CAMK1D: variants seen among roughly 807,000 people sequenced by gnomAD.
The protein encoded by CAMK1D is calcium/calmodulin dependent protein kinase ID.
A neutral mutation model predicts 47.7 loss-of-function variants in CAMK1D; 9 were observed. The ratio of observed to expected loss-of-function variants is 0.19; its 90% CI spans 0.11 to 0.33. The LOEUF (loss-of-function observed/expected upper bound fraction) is 0.33, where lower values mean the gene tolerates loss of function less well. CAMK1D is among the 10% of genes least tolerant of loss of function. CAMK1D has a pLI of 1.00. For missense variants in CAMK1D, 291 were observed against 488.7 expected (o/e 0.60, Z 3.81); for synonymous variants, 184 against 184.9 (o/e 0.99, Z 0.04).
intron 2 of CAMK1D, among the ~76,000 whole-genome samples, chr10:12,581,480 G>A (rs189064376): frequency 4.1e-4 from 62 of 152,204 alleles, no homozygotes; most frequent in Middle Eastern, 3.4e-3. Context: ...TTCCATAGCG[G>A]TTTTACTTGT....
At chr10:12,673,048 G>T (rs1461029219) in intron 3 of CAMK1D, among the ~76,000 whole-genome samples, 1 of 151,468 alleles carries the variant, frequency 6.6e-6, no homozygotes, top group African/African-American at 2.4e-5. Flanking sequence ...AGGTGCCCAG[G>T]TCATTTTCTA....
rs181501211 is a variant in CAMK1D at position 12,733,314 on chromosome 10, A to T, written c.300-27634A>T. ...TCTTCCTTAGTAGCAGTGAAGATGG[A>T]GTTAGAAGGAGAGAATAGTAATATT... On this transcript the variant is annotated intron_variant, in intron 3 of 10. Transcript: ENST00000619168. 6.2e-4 allele frequency among the ~76,000 whole-genome samples: 95 copies of T among 152,336 alleles called. 1 individual carries two copies. The highest frequency in any genetic ancestry group is 3.2e-4 in the Non-Finnish European group (22 of 68,040).
intron 3 of CAMK1D, among the ~76,000 whole-genome samples, chr10:12,722,598 T>C (rs1834443895): frequency 6.6e-6 from 1 of 152,086 alleles, no homozygotes; most frequent in African/African-American, 2.4e-5. Context: ...AGAGAAGTTA[T>C]GAGGAATTCT....
At chr10:12,649,681 A>C (rs977705368) in intron 2 of CAMK1D, among the ~76,000 whole-genome samples, 11 of 152,128 alleles carry the variant, frequency 7.2e-5, no homozygotes, top group Non-Finnish European at 1.2e-4. Context: ...AACAAAAAAA[A>C]ATGTTGGTGA....
chr10:12,660,263 T>C (rs955351777), intron 2 of CAMK1D, among the ~76,000 whole-genome samples: 9 of 152,228 alleles, frequency 5.9e-5, no homozygotes, highest in Non-Finnish European at 1.3e-4. Flanking sequence ...TTGCTTTTTC[T>C]TTCTTTTTCT....
At position 12,735,592 on chromosome 10, in the gene CAMK1D, G is replaced by C. The variant is rs1021297685; in HGVS notation, c.300-25356G>C. On this transcript the variant is annotated intron_variant, in intron 3 of 10. Coordinates refer to ENST00000619168, the MANE Select transcript of CAMK1D (RefSeq NM_153498.4). The stretch of plus-strand genomic sequence containing the variant: ...GATGCCGTGTCCAAGGGACAGTGAT[G>C]GCAGAAACCTGGCTCTCCAAAAGGA... 2.6e-5 allele frequency among the ~76,000 whole-genome samples: 4 copies of C among 152,302 alleles called. No homozygotes were observed. The East Asian group carries it at 5.8e-4, about 22-fold the overall frequency.
intron 3 of CAMK1D, among the ~76,000 whole-genome samples, chr10:12,747,278 C>T (rs772087422): frequency 6.6e-6 from 1 of 152,098 alleles, no homozygotes; most frequent in Non-Finnish European, 1.5e-5. Flanking sequence ...GTTCCACCCG[C>T]CTCAGCCTCC....
chr10:12,523,088 G>A (rs1835488531), intron 1 of CAMK1D, among the ~76,000 whole-genome samples: 1 of 151,376 alleles, frequency 6.6e-6, no homozygotes, highest in African/African-American at 2.4e-5. Context: ...GCCGGGTGGA[G>A]GGGCTCCTCA....
At chr10:12,440,741 A>G (rs1435373120) in intron 1 of CAMK1D, among the ~76,000 whole-genome samples, 1 of 152,252 alleles carries the variant, frequency 6.6e-6, no homozygotes, top group Non-Finnish European at 1.5e-5. Context: ...TGGGCAACAC[A>G]CAGGTGATAA....
chr10:12,422,283 G>A (rs937475635), intron 1 of CAMK1D, among the ~76,000 whole-genome samples: 2 of 152,204 alleles, frequency 1.3e-5, no homozygotes, highest in African/African-American at 2.4e-5. Flanking sequence ...TGGTGGTGAC[G>A]ACTATAGTCC....
intron 3 of CAMK1D, among the ~76,000 whole-genome samples, chr10:12,686,840 G>T (rs958610780): frequency 6.6e-6 from 1 of 152,042 alleles, no homozygotes; most frequent in Admixed American, 6.6e-5. Context: ...GGCTCTATTT[G>T]TACTTCTTCC....
chr10:12,799,160 C>T (rs1425352210), intron 6 of CAMK1D, among the ~76,000 whole-genome samples: 4 of 152,150 alleles, frequency 2.6e-5, no homozygotes, highest in Non-Finnish European at 5.9e-5. Flanking sequence ...GCCCACGACT[C>T]GACGCAACAC....
At chr10:12,780,319 A>G (rs1018029502) in intron 5 of CAMK1D, among the ~76,000 whole-genome samples, 12 of 152,090 alleles carry the variant, frequency 7.9e-5, no homozygotes, top group African/African-American at 2.7e-4. Flanking sequence ...TTAGATATGA[A>G]GGAGGCCTGT....
intron 1 of CAMK1D, among the ~76,000 whole-genome samples, chr10:12,423,406 C>T (rs1254679461): frequency 1.3e-5 from 2 of 152,124 alleles, no homozygotes; most frequent in East Asian, 3.9e-4. Context: ...TCCTTGTTGC[C>T]TAGGAGGCTG....
In CAMK1D at chr10:12,665,355, C is replaced by T. The variant is rs34853664; in HGVS notation, c.225-1381C>T. ...TTTTCCACCTTATAAACTTCTTTCG[C>T]GGGGAAGACATCACACATTTAGGAA... On this transcript the variant is annotated intron_variant, in intron 2 of 10. Coordinates refer to ENST00000619168, the MANE Select transcript of CAMK1D (RefSeq NM_153498.4). 7.7e-3 allele frequency among the ~76,000 whole-genome samples: 1,167 copies of T among 152,298 alleles called. 10 individuals carry two copies. The highest frequency in any genetic ancestry group is 0.013 in the Non-Finnish European group (888 of 68,022).
chr10:12,554,100 C>CTT (rs11384403), intron 2 of CAMK1D, among the ~76,000 whole-genome samples: 298 of 150,058 alleles, frequency 2.0e-3, no homozygotes, highest in Middle Eastern at 3.4e-3. Context: ...ATTTTTCTTT[C>CTT]TTTTTTTTAT....
At chr10:12,783,081 C>A (rs1588921872) in intron 5 of CAMK1D, among the ~76,000 whole-genome samples, 1 of 151,758 alleles carries the variant, frequency 6.6e-6, no homozygotes, top group Non-Finnish European at 1.5e-5. Context: ...CAACCTCCAC[C>A]TCCTCGGTCC....
intron 3 of CAMK1D, among the ~76,000 whole-genome samples, chr10:12,687,040 G>A (rs755816037): frequency 1.3e-5 from 2 of 152,128 alleles, no homozygotes; most frequent in Admixed American, 6.5e-5. Flanking sequence ...CGCAATCAGA[G>A]CGTAAAATCT....
At chr10:12,684,244 C>T (rs767958079) in intron 3 of CAMK1D, among the ~76,000 whole-genome samples, 9 of 151,958 alleles carry the variant, frequency 5.9e-5, no homozygotes, top group Non-Finnish European at 1.2e-4. Flanking sequence ...CAGAGGAGAA[C>T]TTTGAGTTTT....
Sources: gnomAD v4.1 joint callset for allele counts (sites outside exome capture counted in the v4.1 genomes callset) on GRCh38, gnomAD v4.1.1 for gene constraint, MANE v1.5 for transcripts, NCBI Gene and HGNC (gene_info 2026-07-23, HGNC 2026-07-21) for gene names.